Variants in SPECC1 observed in about 807,000 individuals in gnomAD.
SPECC1 encodes cytospin-B.
In SPECC1, 62 loss-of-function variants were observed where a neutral mutation model predicts 104.1. That is an observed-to-expected ratio of 0.60 (90% confidence interval 0.49 to 0.74). The LOEUF (loss-of-function observed/expected upper bound fraction) is 0.74. SPECC1 is among the 30% of genes least tolerant of loss of function. The probability of loss-of-function intolerance (pLI) is 0.00; values close to 1 mark genes in which losing one functional copy is unlikely to be tolerated. For missense variants in SPECC1, 1,306 were observed against 1,310.5 expected (o/e 1.00, Z 0.05); for synonymous variants, 513 against 501.6 (o/e 1.02, Z -0.30).
At chr17:20,011,689 T>C (rs2043949546) in intron 1 of SPECC1, among the ~76,000 whole-genome samples, 1 of 152,206 alleles carries the variant, frequency 6.6e-6, no homozygotes, top group Non-Finnish European at 1.5e-5. Context: ...AAGTTTTAAC[T>C]GTTTGAATGG....
intron 1 of SPECC1, among the ~76,000 whole-genome samples, chr17:20,090,215 G>A (rs762596106): frequency 2.0e-5 from 3 of 152,292 alleles, no homozygotes; most frequent in South Asian, 2.1e-4. Flanking sequence ...CTGCACCAGC[G>A]CAGGCGACCG....
At chr17:20,164,364 A>T (rs2033455651) in intron 3 of SPECC1, among the ~76,000 whole-genome samples, 1 of 151,618 alleles carries the variant, frequency 6.6e-6, no homozygotes. Flanking sequence ...ACGGGGTCTC[A>T]CTGTGTTGCC....
At chr17:20,041,905 G>A (rs750856774) in intron 1 of SPECC1, among the ~76,000 whole-genome samples, 2 of 152,078 alleles carry the variant, frequency 1.3e-5, no homozygotes, top group Admixed American at 1.3e-4. Flanking sequence ...GGTTACAGGC[G>A]TGAGCCACCG....
chr17:20,082,967 TTCGTTCGTTCG>T lies in SPECC1; in HGVS notation c.-21-13662_-21-13652del, dbSNP rs2047035863. ...TGCTGTGTCCTTTGGTGTTCGTTCG[TTCGTTCGTTCG>T]TTCGTTCGTTCGTTCGTTCGTTCGT... On this transcript the variant is annotated intron_variant, in intron 1 of 14. Coordinates refer to ENST00000395527, the MANE Select transcript of SPECC1 (RefSeq NM_001243439.2). Among the ~76,000 whole-genome samples the T allele has an allele frequency of 8.3e-5, 6 of 72,150 alleles. No individual in the cohort carries two copies. In the Admixed American group the frequency reaches 1.0e-3, roughly 12 times the overall value. The allele number at this position is 72,150 out of a possible 152,430, so 47.3% of individuals were successfully genotyped here. A position where few individuals can be genotyped will look rare whatever the true frequency, so the allele number is the denominator to read the frequency against.
At chr17:20,215,822 GTC>G (rs2037451657) in intron 4 of SPECC1, among the ~76,000 whole-genome samples, 1 of 152,104 alleles carries the variant, frequency 6.6e-6, no homozygotes, top group Non-Finnish European at 1.5e-5. Flanking sequence ...TTAGTCTACA[GTC>G]TCTATTCTTA....
chr17:20,205,530 G>A lies in SPECC1; in HGVS notation c.1481G>A (p.Ser494Asn). 1.2e-6 allele frequency: 2 copies of A among 1,614,188 alleles called. No homozygotes were observed. Among genetic ancestry groups the A allele is most frequent in the Non-Finnish European group, 1.7e-6 (2 of 1,180,038 alleles). Residue 494 changes from serine (S) to asparagine (N), a missense_variant, in exon 4 of 15, where the codon AGC becomes AAC. Ser to Asn is a conservative substitution (Grantham distance 46). Coordinates refer to ENST00000395527, the MANE Select transcript of SPECC1 (RefSeq NM_001243439.2). Reference sequence around the variant, plus strand: ...AACATTCAGCAGCAGTTGACCTGTAGCTTGCGGAAGGTTGAGGAAGAAAAC... The same window carrying A: ...AACATTCAGCAGCAGTTGACCTGTAACTTGCGGAAGGTTGAGGAAGAAAAC... ...LLNIQQQLTC[S>N]LRKVEEENQG...
chr17:20,046,401 G>A (rs142728105), intron 1 of SPECC1, among the ~76,000 whole-genome samples: 4 of 152,204 alleles, frequency 2.6e-5, no homozygotes, highest in African/African-American at 7.2e-5. Context: ...AACTGGAACT[G>A]GTACTACTGC....
At chr17:20,188,861 C>T (rs949892702) in intron 3 of SPECC1, among the ~76,000 whole-genome samples, 1 of 152,092 alleles carries the variant, frequency 6.6e-6, no homozygotes, top group Non-Finnish European at 1.5e-5. Context: ...AACTCCCACC[C>T]CCAAAGTGAT....
At chr17:20,307,532 ACT>A (rs1266598823) in intron 14 of SPECC1, among the ~76,000 whole-genome samples, 3 of 152,138 alleles carry the variant, frequency 2.0e-5, no homozygotes, top group African/African-American at 7.2e-5. Flanking sequence ...CATTGGCAGT[ACT>A]CTGTTACATG....
intron 12 of SPECC1, 136 bp from the exon 13 acceptor site, chr17:20,296,825 T>C (rs1321765626): frequency 5.5e-6 from 4 of 731,888 alleles, no homozygotes; most frequent in Non-Finnish European, 9.2e-6. Context: ...TCTCTGTCTG[T>C]TATTGGTGTA....
chr17:20,012,400 A>T (rs2043974825), intron 1 of SPECC1, among the ~76,000 whole-genome samples: 1 of 151,784 alleles, frequency 6.6e-6, no homozygotes, highest in Non-Finnish European at 1.5e-5. Flanking sequence ...TTCTATGTTT[A>T]ATATATATTT....
chr17:20,293,013 G>C (rs1341023452), intron 12 of SPECC1, among the ~76,000 whole-genome samples: 2 of 152,158 alleles, frequency 1.3e-5, no homozygotes, highest in Non-Finnish European at 2.9e-5. Flanking sequence ...ACTGAGAAGA[G>C]GTTTGCTGGG....
chr17:20,252,096 G>C (rs1364195915), intron 9 of SPECC1, among the ~76,000 whole-genome samples: 1 of 151,814 alleles, frequency 6.6e-6, no homozygotes, highest in Admixed American at 6.6e-5. Flanking sequence ...AAAAACAGAG[G>C]GTGTTTTTCA....
chr17:20,309,609 A>G (rs1400183469), intron 14 of SPECC1, among the ~76,000 whole-genome samples: 1 of 151,244 alleles, frequency 6.6e-6, no homozygotes, highest in Non-Finnish European at 1.5e-5. Flanking sequence ...GTCCATGACT[A>G]CCCAATGTTG....
chr17:20,188,659 CAAT>C (rs1394466517), intron 3 of SPECC1, among the ~76,000 whole-genome samples: 1 of 152,096 alleles, frequency 6.6e-6, no homozygotes, highest in African/African-American at 2.4e-5. Flanking sequence ...TGTAAAATAA[CAAT>C]AATAATACTT....
chr17:20,145,305 CAGACCA>C (rs1434074287), intron 3 of SPECC1, among the ~76,000 whole-genome samples: 11 of 152,208 alleles, frequency 7.2e-5, no homozygotes, highest in Admixed American at 7.2e-4. Context: ...GCTACTGGGT[CAGACCA>C]CACCGGATTC....
intron 3 of SPECC1, among the ~76,000 whole-genome samples, chr17:20,199,928 T>C (rs2036301729): frequency 6.6e-6 from 1 of 152,178 alleles, no homozygotes; most frequent in Admixed American, 6.5e-5. Context: ...TAGCTGGGAC[T>C]ACAGGCGTTT....
chr17:20,038,994 A>T (rs1010665970), intron 1 of SPECC1, among the ~76,000 whole-genome samples: 1 of 152,214 alleles, frequency 6.6e-6, no homozygotes, highest in Non-Finnish European at 1.5e-5. Flanking sequence ...GTACAATTCA[A>T]TGGCCTTTTT....
intron 1 of SPECC1, among the ~76,000 whole-genome samples, chr17:20,094,194 G>A (rs936522552): frequency 6.6e-6 from 1 of 152,108 alleles, no homozygotes; most frequent in Non-Finnish European, 1.5e-5. Flanking sequence ...TGGATGAGGA[G>A]CATTTTCTGG....
Sources: allele counts gnomAD v4.1 joint callset (sites outside exome capture counted in the v4.1 genomes callset), GRCh38; gene constraint gnomAD v4.1.1; transcripts MANE v1.5; gene names NCBI Gene and HGNC (gene_info 2026-07-23, HGNC 2026-07-21).